The following DUSP16 variants were observed in gnomAD, a reference collection of about 807,000 sequenced individuals.
DUSP16 encodes dual specificity protein phosphatase 16.
Under a neutral mutation model 58.3 loss-of-function variants are expected in DUSP16, and 21 were observed. The ratio of observed to expected loss-of-function variants is 0.36; its 90% CI spans 0.26 to 0.52. The LOEUF is 0.52. Among genes scored for constraint, DUSP16 ranks in the 20% least tolerant of loss-of-function variants. The probability of loss-of-function intolerance (pLI) is 0.94; values close to 1 mark genes in which losing one functional copy is unlikely to be tolerated. For synonymous variants in DUSP16, 320 were observed against 323.8 expected (o/e 0.99, Z 0.12); for missense variants, 726 against 819.0 (o/e 0.89, Z 1.39).
At chr12:12,489,511 A>C (rs1405701342) in intron 4 of DUSP16, among the ~76,000 whole-genome samples, 3 of 152,064 alleles carry the variant, frequency 2.0e-5, no homozygotes, top group Non-Finnish European at 4.4e-5. Context: ...ACGGTACTAC[A>C]TTTTTCTCCT....
intron 1 of DUSP16, among the ~76,000 whole-genome samples, chr12:12,559,079 C>G (rs1944854833): frequency 1.3e-5 from 2 of 152,160 alleles, no homozygotes; most frequent in Admixed American, 6.5e-5. Context: ...TCTCTTCACA[C>G]AGCCAACCCT....
chr12:12,499,952 A>G (rs1184551557), intron 4 of DUSP16, among the ~76,000 whole-genome samples: 1 of 151,858 alleles, frequency 6.6e-6, no homozygotes, highest in Non-Finnish European at 1.5e-5. Context: ...TGTCTTTTTC[A>G]TCAATAATCC....
At position 12,528,888 on chromosome 12, in the gene DUSP16, A is replaced by G. The variant is rs186710528; in HGVS notation, c.-365-7425T>C. ...GTGGCTGTTAAATTGTAAACAGAGTAGTCACAGAAGGCCTTACCTTGAGAA... is the reference window on the plus strand; with the variant it reads ...GTGGCTGTTAAATTGTAAACAGAGTGGTCACAGAAGGCCTTACCTTGAGAA... On this transcript the variant is annotated intron_variant, in intron 1 of 6. Coordinates refer to ENST00000298573, the MANE Select transcript of DUSP16 (RefSeq NM_030640.3). 5.9e-3 allele frequency among the ~76,000 whole-genome samples: 895 copies of G among 152,278 alleles called. 9 individuals are homozygous for G. The Middle Eastern group carries it at 0.071, about 12-fold the overall frequency.
intron 1 of DUSP16, among the ~76,000 whole-genome samples, chr12:12,527,993 G>A (rs922026413): frequency 1.4e-4 from 21 of 152,212 alleles, no homozygotes; most frequent in Non-Finnish European, 1.2e-4. Flanking sequence ...CCCAGGCAGA[G>A]GCCAAATCTG....
At position 12,552,184 on chromosome 12, in the gene DUSP16, G is replaced by A. The variant is rs141589020; in HGVS notation, c.-366+9933C>T. 4.0e-3 allele frequency among the ~76,000 whole-genome samples: 607 copies of A among 152,112 alleles called. 3 individuals are homozygous for A. Among genetic ancestry groups the A allele is most frequent in the African/African-American group, 0.014 (568 of 41,520 alleles). ...GAATCTGGCTGGGAGCGGTGGCTGC[G>A]CCTGTAATCCCAGAAATTTGGGAGG... On this transcript the variant is annotated intron_variant, in intron 1 of 6. Coordinates refer to ENST00000298573, the MANE Select transcript of DUSP16 (RefSeq NM_030640.3).
intron 3 of DUSP16, 90 bp from the exon 4 acceptor site, chr12:12,500,772 C>T: frequency 8.1e-7 from 1 of 1,240,002 alleles, no homozygotes; most frequent in Non-Finnish European, 1.1e-6. Context: ...AGTTTAAACC[C>T]ACGAATCCAA....
chr12:12,552,787 CTTCT>C (rs1392599725), intron 1 of DUSP16, among the ~76,000 whole-genome samples: 1 of 151,750 alleles, frequency 6.6e-6, no homozygotes, highest in African/African-American at 2.4e-5. Context: ...TTTGTTTTTT[CTTCT>C]TTTTTTTGAG....
intron 6 of DUSP16, among the ~76,000 whole-genome samples, chr12:12,479,658 C>T (rs2136188280): frequency 6.6e-6 from 1 of 152,316 alleles, no homozygotes; most frequent in Admixed American, 6.5e-5. Context: ...ACCATCTCTA[C>T]CCAACGATAC....
rs1305328043 is a variant in DUSP16 at position 12,474,095 on chromosome 12, CTTTAT to C, written c.*2733_*2737del. The C allele has an allele frequency of 1.3e-5, 2 of 152,242 alleles. No individual in the cohort carries two copies. The highest frequency in any genetic ancestry group is 4.8e-5 in the African/African-American group (2 of 41,466). The allele number at this position is 152,242 out of a possible 1,614,324, so 9.4% of individuals were successfully genotyped here. A position where few individuals can be genotyped will look rare whatever the true frequency, so the allele number is the denominator to read the frequency against. On this transcript the variant is annotated 3_prime_UTR_variant, in exon 7 of 7. Coordinates refer to ENST00000298573, the MANE Select transcript of DUSP16 (RefSeq NM_030640.3). The stretch of plus-strand genomic sequence containing the variant: ...CGGAATAAACCTGATGACACCACCA[CTTTAT>C]TTTGAGCTAAATCCTCATTTAAGTG...
intron 1 of DUSP16, among the ~76,000 whole-genome samples, chr12:12,559,929 G>A (rs1370155274): frequency 6.6e-6 from 1 of 152,044 alleles, no homozygotes; most frequent in Non-Finnish European, 1.5e-5. Flanking sequence ...TAGGAAAAAG[G>A]AAAAGAACCG....
At chr12:12,497,107 A>C (rs1203372845) in intron 4 of DUSP16, among the ~76,000 whole-genome samples, 1 of 152,248 alleles carries the variant, frequency 6.6e-6, no homozygotes, top group Non-Finnish European at 1.5e-5. Context: ...AAGAGACTGT[A>C]AAATATCTCA....
At chr12:12,487,241 C>G (rs1943699145) in intron 4 of DUSP16, 54 bp from the exon 5 acceptor site, 11 of 1,569,602 alleles carry the variant, frequency 7.0e-6, no homozygotes, top group Non-Finnish European at 9.6e-6. Flanking sequence ...TAAACATGAT[C>G]ATTCTGAAAG....
intron 1 of DUSP16, among the ~76,000 whole-genome samples, chr12:12,547,333 G>A (rs1944655505): frequency 6.6e-6 from 1 of 151,770 alleles, no homozygotes; most frequent in African/African-American, 2.4e-5. Context: ...GGAGGCTGAG[G>A]CAGGAGAATC....
At chr12:12,539,635 C>T (rs1032399888) in intron 1 of DUSP16, among the ~76,000 whole-genome samples, 1 of 152,152 alleles carries the variant, frequency 6.6e-6, no homozygotes, top group Admixed American at 6.5e-5. Flanking sequence ...CTAATCCAAT[C>T]CTGTAAAACT....
At chr12:12,498,399 ATTATTTAT>A (rs145777045) in intron 4 of DUSP16, among the ~76,000 whole-genome samples, 74 of 146,768 alleles carry the variant, frequency 5.0e-4, no homozygotes, top group South Asian at 4.9e-3. Context: ...TTTATTTTTT[ATTATTTAT>A]TTATTTATTT....
chr12:12,500,903 A>C (rs1943898889), intron 3 of DUSP16, among the ~76,000 whole-genome samples: 1 of 152,214 alleles, frequency 6.6e-6, no homozygotes, highest in African/African-American at 2.4e-5. Flanking sequence ...GAAGGCACTT[A>C]TAATGAATGA....
At chr12:12,555,410 A>T (rs891911642) in intron 1 of DUSP16, among the ~76,000 whole-genome samples, 3 of 152,258 alleles carry the variant, frequency 2.0e-5, no homozygotes, top group Non-Finnish European at 4.4e-5. Flanking sequence ...GAACTGACTG[A>T]AATTATTTGA....
chr12:12,514,886 T>C (rs1288364665), intron 3 of DUSP16, among the ~76,000 whole-genome samples: 1 of 152,176 alleles, frequency 6.6e-6, no homozygotes, highest in Non-Finnish European at 1.5e-5. Context: ...CTCAAACTCC[T>C]GAGCTCAAGT....
intron 1 of DUSP16, among the ~76,000 whole-genome samples, chr12:12,539,195 C>G (rs1487462953): frequency 6.6e-6 from 1 of 152,186 alleles, no homozygotes; most frequent in Admixed American, 6.5e-5. Context: ...ACATGTAACA[C>G]TGTGATTAAT....
Sources: gnomAD v4.1 joint callset for allele counts (sites outside exome capture counted in the v4.1 genomes callset) on GRCh38, gnomAD v4.1.1 for gene constraint, MANE v1.5 for transcripts, NCBI Gene and HGNC (gene_info 2026-07-23, HGNC 2026-07-21) for gene names.